Variants in MAGI2 observed in about 807,000 individuals in gnomAD.
MAGI2 encodes the protein membrane-associated guanylate kinase, WW and PDZ domain-containing protein 2.
A neutral mutation model predicts 133.3 loss-of-function variants in MAGI2; 35 were observed. The ratio of observed to expected loss-of-function variants is 0.26; its 90% CI spans 0.20 to 0.35. The LOEUF is 0.35. Among genes scored for constraint, MAGI2 ranks in the 10% least tolerant of loss-of-function variants. The probability of loss-of-function intolerance (pLI) is 1.00; values close to 1 mark genes in which losing one functional copy is unlikely to be tolerated. For missense variants in MAGI2, 1,636 were observed against 1,863.4 expected (o/e 0.88, Z 2.25); for synonymous variants, 729 against 710.6 (o/e 1.03, Z -0.41).
chr7:79,194,044 A>G (rs980097247), intron 1 of MAGI2, among the ~76,000 whole-genome samples: 2 of 151,928 alleles, frequency 1.3e-5, no homozygotes, highest in Non-Finnish European at 2.9e-5. Flanking sequence ...GCAAAAGGTC[A>G]TTTCTTAACT....
intron 3 of MAGI2, among the ~76,000 whole-genome samples, chr7:78,594,650 G>T (rs1298438773): frequency 6.6e-6 from 1 of 152,078 alleles, no homozygotes; most frequent in Admixed American, 6.6e-5. Flanking sequence ...TAGAGACGGG[G>T]TTTCACCATG....
At chr7:78,487,472 G>A (rs148506287) in intron 6 of MAGI2, 1 of 152,744 alleles carries the variant, frequency 6.5e-6, no homozygotes, top group Non-Finnish European at 1.5e-5. Context: ...CAGAACACAT[G>A]CATGACCTTT....
chr7:78,315,094 A>AT (rs36120323), intron 9 of MAGI2, among the ~76,000 whole-genome samples: 2 of 152,154 alleles, frequency 1.3e-5, no homozygotes, highest in Admixed American at 6.5e-5. Flanking sequence ...CTACTGTCAC[A>AT]TTTTTTGGCA....
chr7:78,421,555 T>A (rs1234714004), intron 6 of MAGI2, among the ~76,000 whole-genome samples: 1 of 152,208 alleles, frequency 6.6e-6, no homozygotes, highest in African/African-American at 2.4e-5. Context: ...GGCTCACGCC[T>A]ATAATCCCAG....
At chr7:79,166,858 C>T (rs1164485264) in intron 1 of MAGI2, among the ~76,000 whole-genome samples, 8 of 151,760 alleles carry the variant, frequency 5.3e-5, no homozygotes, top group African/African-American at 1.2e-4. Flanking sequence ...AGAGCATGCA[C>T]GGTACAGAAA....
chr7:79,112,765 G>A (rs375038131), intron 1 of MAGI2, among the ~76,000 whole-genome samples: 7 of 152,246 alleles, frequency 4.6e-5, no homozygotes, highest in African/African-American at 1.7e-4. Flanking sequence ...TTGCATGATA[G>A]TGCAGGATTA....
intron 1 of MAGI2, among the ~76,000 whole-genome samples, chr7:79,325,765 T>A (rs1377819962): frequency 2.0e-5 from 3 of 152,152 alleles, no homozygotes; most frequent in Admixed American, 6.6e-5. Context: ...GTGTATAAAA[T>A]GGGAATCCTC....
rs921459427 is a variant in MAGI2, at chr7:79,272,694, TA to T, written c.301+180325del. ...TTAAAATATACTTTATGGTTATGAA[TA>T]TTTTTTAGGATTTCTATAAGTTTAA... is the stretch of plus-strand genomic sequence containing the variant. On this transcript the variant is annotated intron_variant, in intron 1 of 21. Coordinates refer to ENST00000354212, the MANE Select transcript of MAGI2 (RefSeq NM_012301.4). Among the ~76,000 whole-genome samples, 16 of 129,562 alleles carry T rather than the reference TA, an allele frequency of 1.2e-4. No homozygotes were observed. The Admixed American group carries it at 1.3e-3, about 10-fold the overall frequency. The allele number at this position is 129,562 out of a possible 152,430, so 85.0% of individuals were successfully genotyped here.
At chr7:78,646,777 A>G (rs1810937451) in intron 2 of MAGI2, among the ~76,000 whole-genome samples, 1 of 152,172 alleles carries the variant, frequency 6.6e-6, no homozygotes, top group South Asian at 2.1e-4. Flanking sequence ...ATCTAAAACC[A>G]TCCTTTAGCG....
At chr7:78,890,001 A>G (rs1463204927) in intron 2 of MAGI2, among the ~76,000 whole-genome samples, 2 of 152,238 alleles carry the variant, frequency 1.3e-5, no homozygotes, top group South Asian at 2.1e-4. Context: ...GTGCAGAGAC[A>G]CATATAGGCT....
At chr7:79,241,492 A>G (rs1299969557) in intron 1 of MAGI2, among the ~76,000 whole-genome samples, 12 of 152,188 alleles carry the variant, frequency 7.9e-5, no homozygotes, top group Admixed American at 6.5e-4. Context: ...GGCAAGGATG[A>G]TAATAGTCTC....
At chr7:79,113,163 G>C (rs558091986) in intron 1 of MAGI2, among the ~76,000 whole-genome samples, 5 of 152,262 alleles carry the variant, frequency 3.3e-5, no homozygotes, top group Admixed American at 2.0e-4. Context: ...CCTTTAAAAT[G>C]AAGTATTTGT....
At chr7:79,374,540 G>A (rs1056995039) in intron 1 of MAGI2, among the ~76,000 whole-genome samples, 14 of 151,894 alleles carry the variant, frequency 9.2e-5, no homozygotes, top group South Asian at 6.2e-4. Context: ...TTATGCTTCA[G>A]CCATTTAGTT....
chr7:78,039,656 T>C (rs997198405), intron 21 of MAGI2: 4 of 152,206 alleles, frequency 2.6e-5, no homozygotes, highest in Non-Finnish European at 4.4e-5. Flanking sequence ...GAAAAACCAT[T>C]TTAGAGGCGG....
intron 20 of MAGI2, among the ~76,000 whole-genome samples, chr7:78,122,361 A>T (rs1174146712): frequency 6.6e-6 from 1 of 152,214 alleles, no homozygotes; most frequent in Non-Finnish European, 1.5e-5. Context: ...TGACAAATTT[A>T]GAAGAAGCTA....
intron 2 of MAGI2, among the ~76,000 whole-genome samples, chr7:78,653,742 T>G (rs1050264366): frequency 1.3e-5 from 2 of 150,068 alleles, no homozygotes; most frequent in Non-Finnish European, 2.9e-5. Context: ...AACCTGCATG[T>G]TCTGCACCTG....
chr7:78,561,655 G>A (rs148879089), intron 3 of MAGI2, among the ~76,000 whole-genome samples: 136 of 152,292 alleles, frequency 8.9e-4, no homozygotes, highest in Non-Finnish European at 8.2e-4. Flanking sequence ...TGGGGTTTGA[G>A]AGAACGAGCT....
chr7:79,019,537 G>A (rs543459648), intron 1 of MAGI2, among the ~76,000 whole-genome samples: 1 of 151,776 alleles, frequency 6.6e-6, no homozygotes, highest in Non-Finnish European at 1.5e-5. Flanking sequence ...TCTTTTTTCT[G>A]TTTTTCTTTT....
chr7:78,782,166 G>A (rs959397457), intron 2 of MAGI2, among the ~76,000 whole-genome samples: 2 of 152,144 alleles, frequency 1.3e-5, no homozygotes, highest in African/African-American at 2.4e-5. Context: ...GGAGAACGTC[G>A]GCAATTAAGC....
Sources: gnomAD v4.1 joint callset for allele counts (sites outside exome capture counted in the v4.1 genomes callset) on GRCh38, gnomAD v4.1.1 for gene constraint, MANE v1.5 for transcripts, NCBI Gene and HGNC (gene_info 2026-07-23, HGNC 2026-07-21) for gene names.